The following ZDHHC11 variants were observed in gnomAD, a reference collection of about 807,000 sequenced individuals.
ZDHHC11 encodes palmitoyltransferase ZDHHC11.
In ZDHHC11, 44 loss-of-function variants were observed where a neutral mutation model predicts 51.3. The observed-to-expected ratio is 0.86, with a 90% CI of 0.67 to 1.10. The LOEUF (loss-of-function observed/expected upper bound fraction) is 1.10, where lower values mean the gene tolerates loss of function less well. Ranked by LOEUF, ZDHHC11 falls within the 50% of genes least tolerant of loss-of-function variation. ZDHHC11 has a pLI of 0.00. For synonymous variants in ZDHHC11, 163 were observed against 222.0 expected, an observed-to-expected ratio of 0.73 and a Z score of 2.36; for missense variants, 400 against 537.7, an observed-to-expected ratio of 0.74 and a Z score of 2.53.
intron 11 of ZDHHC11, among the ~76,000 whole-genome samples, chr5:811,684 G>A (rs1740111026): frequency 6.6e-6 from 1 of 150,954 alleles, no homozygotes; most frequent in Non-Finnish European, 1.5e-5. Flanking sequence ...AAACGCTATC[G>A]GCCACTCTCA....
rs67067158 is a variant in ZDHHC11, at chr5:850,658, CG to C, written c.-57del. On this transcript the variant is annotated 5_prime_UTR_variant, in exon 1 of 13. The change abolishes the stop of an existing upstream ORF in the 5' untranslated region. Transcript: ENST00000283441. ...CGTCAGATCCTGGGAGGGCCGGCCC[CG>C]CCCACTGTCACAGAGACCAAGGGGA... 58,927 of 1,593,280 alleles carry C rather than the reference CG, an allele frequency of 0.037. 8,602 individuals carry two copies. In the African/African-American group the frequency reaches 0.44, roughly 12 times the overall value.
At chr5:841,217 A>C in intron 4 of ZDHHC11, 1 of 1,036,728 alleles carries the variant, frequency 9.6e-7, no homozygotes, top group Non-Finnish European at 1.2e-6. Context: ...CTGGGGTCAC[A>C]GTGCCTGCCG....
intron 11 of ZDHHC11, among the ~76,000 whole-genome samples, chr5:804,439 G>T (rs1331580464): frequency 6.6e-6 from 1 of 151,076 alleles, no homozygotes; most frequent in Non-Finnish European, 1.5e-5. Flanking sequence ...TCTATTTAAA[G>T]AAATAATGGC....
At chr5:841,793 G>C (rs530497402) in intron 4 of ZDHHC11, 33 of 995,830 alleles carry the variant, frequency 3.3e-5, no homozygotes, top group Non-Finnish European at 3.8e-5. Context: ...AGGCAAGGCA[G>C]AATGGCAGAG....
At chr5:842,014 T>A (rs1745070759) in intron 4 of ZDHHC11, 1 of 987,946 alleles carries the variant, frequency 1.0e-6, no homozygotes, top group African/African-American at 1.7e-5. Flanking sequence ...GCCAGTGACA[T>A]CACGATGAGT....
At chr5:833,470 A>C (rs1431160246) in intron 7 of ZDHHC11, among the ~76,000 whole-genome samples, 3 of 151,858 alleles carry the variant, frequency 2.0e-5, no homozygotes, top group Non-Finnish European at 4.4e-5. Flanking sequence ...ACAACTACCC[A>C]CATGTTCATG....
At chr5:837,651 G>A (rs1744085636) in intron 5 of ZDHHC11, among the ~76,000 whole-genome samples, 171 bp from the exon 6 acceptor site, 2 of 151,722 alleles carry the variant, frequency 1.3e-5, no homozygotes, top group Admixed American at 1.3e-4. Flanking sequence ...CAGGTGCCTT[G>A]TGGGCCCAGT....
At chr5:843,020 G>A (rs1440199671) in intron 4 of ZDHHC11, among the ~76,000 whole-genome samples, 14 of 152,392 alleles carry the variant, frequency 9.2e-5, no homozygotes, top group Admixed American at 2.0e-4. Context: ...CCCATTTCCC[G>A]AGGATGCTGG....
intron 4 of ZDHHC11, among the ~76,000 whole-genome samples, chr5:842,920 C>G (rs1411707049): frequency 6.6e-6 from 1 of 152,264 alleles, no homozygotes; most frequent in Non-Finnish European, 1.5e-5. Flanking sequence ...TCTCTCCTTT[C>G]TCTTACAAGC....
At chr5:843,050 G>C in intron 4 of ZDHHC11, among the ~76,000 whole-genome samples, 1 of 152,298 alleles carries the variant, frequency 6.6e-6, no homozygotes, top group Non-Finnish European at 1.5e-5. Flanking sequence ...ATCTGGGTTA[G>C]GCGTGGACTC....
chr5:843,914 ACG>A (rs1745588568), intron 3 of ZDHHC11, among the ~76,000 whole-genome samples, 190 bp from the exon 4 acceptor site: 1 of 106,214 alleles, frequency 9.4e-6, no homozygotes, highest in Admixed American at 8.6e-5. Context: ...GGGCAGGGAC[ACG>A]CAGGGCATCT....
intron 4 of ZDHHC11, 104 bp from the exon 5 acceptor site, chr5:840,754 A>G: frequency 3.2e-6 from 5 of 1,576,756 alleles, no homozygotes; most frequent in Non-Finnish European, 3.4e-6. Flanking sequence ...CGGTGTGGGG[A>G]CAGCCAGTGC....
chr5:816,685 T>C (rs3890124), intron 10 of ZDHHC11: 97,201 of 601,590 alleles, frequency 0.16, 13,907 homozygotes, highest in African/African-American at 0.52. Context: ...CCGTTTTGGC[T>C]TTGTGATGAT....
chr5:841,705 G>A, intron 4 of ZDHHC11: 3 of 992,302 alleles, frequency 3.0e-6, no homozygotes, highest in Non-Finnish European at 3.6e-6. Context: ...CTAAGATATG[G>A]TCCTCTGTGA....
At chr5:854,036 GCA>G (rs1373594507), upstream of ZDHHC11, among the ~76,000 whole-genome samples, 2 of 116,828 alleles carry the variant, frequency 1.7e-5, no homozygotes, top group Non-Finnish European at 3.5e-5. Context: ...GGGACAGACC[GCA>G]CAGAGGACAG....
chr5:814,234 T>C (rs62330177), intron 11 of ZDHHC11, among the ~76,000 whole-genome samples: 19,288 of 121,904 alleles, frequency 0.16, 904 homozygotes, highest in African/African-American at 0.32. Flanking sequence ...GTCATGGCTG[T>C]ACAATTTTAT....
chr5:838,683 G>C (rs1744292708), intron 5 of ZDHHC11, among the ~76,000 whole-genome samples: 1 of 152,192 alleles, frequency 6.6e-6, no homozygotes, highest in Admixed American at 6.5e-5. Flanking sequence ...TGCCACACTT[G>C]GTCTGGGCTT....
At chr5:836,820 G>A (rs530377752) in intron 6 of ZDHHC11, among the ~76,000 whole-genome samples, 59 of 150,036 alleles carry the variant, frequency 3.9e-4, no homozygotes, top group East Asian at 1.4e-3. Context: ...CAGCACTTTC[G>A]GAGGCCAAGG....
Position 814,713 on chromosome 5 carries a change from G to T in ZDHHC11, c.1181+48C>A. ...ATTTTCCTATGTAATTTGAGTTCAGGCAAGTGTAGAGACAGACAAAACGTT... is the reference window on the plus strand; with the variant it reads ...ATTTTCCTATGTAATTTGAGTTCAGTCAAGTGTAGAGACAGACAAAACGTT... On this transcript the variant is annotated intron_variant, in intron 11 of 12. Coordinates refer to ENST00000283441, the MANE Select transcript of ZDHHC11 (RefSeq NM_024786.3). 9.4e-6 allele frequency: 14 copies of T among 1,497,182 alleles called. 1 individual carries two copies. Among genetic ancestry groups the T allele is most frequent in the African/African-American group, 2.8e-5 (2 of 70,988 alleles). 92.7% of individuals were successfully genotyped at this position (1,497,182 alleles called of 1,614,324 possible). A position where few individuals can be genotyped will look rare whatever the true frequency, so the allele number is the denominator to read the frequency against.
Sources: gnomAD v4.1 joint callset for allele counts (sites outside exome capture counted in the v4.1 genomes callset) on GRCh38, gnomAD v4.1.1 for gene constraint, MANE v1.5 for transcripts, NCBI Gene and HGNC (gene_info 2026-07-23, HGNC 2026-07-21) for gene names.